The following ST6GALNAC3 variants were observed in gnomAD, a reference collection of about 807,000 sequenced individuals.
The protein encoded by ST6GALNAC3 is alpha-N-acetylgalactosaminide alpha-2,6-sialyltransferase 3.
Under a neutral mutation model 32.7 loss-of-function variants are expected in ST6GALNAC3, and 25 were observed. That is an observed-to-expected ratio of 0.76 (90% CI 0.56 to 1.07). The LOEUF is 1.07. Ranked by LOEUF, ST6GALNAC3 falls within the 50% of genes least tolerant of loss-of-function variation. The pLI is 0.00. For synonymous variants in ST6GALNAC3, 129 were observed against 133.1 expected (o/e 0.97, Z 0.21); for missense variants, 355 against 382.4 (o/e 0.93, Z 0.60).
intron 2 of ST6GALNAC3, chr1:76,353,710 A>G: frequency 6.5e-6 from 1 of 153,250 alleles, no homozygotes. Flanking sequence ...AAGAGTGGCA[A>G]CAGCAAATCA....
chr1:76,635,462 C>G (rs930833300), downstream of ST6GALNAC3, among the ~76,000 whole-genome samples: 1 of 152,118 alleles, frequency 6.6e-6, no homozygotes, highest in Non-Finnish European at 1.5e-5. Context: ...GTTACTATCA[C>G]CATCTCATAT....
intron 1 of ST6GALNAC3, among the ~76,000 whole-genome samples, chr1:76,149,316 A>G (rs1324817697): frequency 1.3e-5 from 2 of 152,174 alleles, no homozygotes; most frequent in African/African-American, 4.8e-5. Context: ...CCATGTCTAG[A>G]TATTAGAAGA....
intron 3 of ST6GALNAC3, among the ~76,000 whole-genome samples, chr1:76,438,152 CT>C (rs201668914): frequency 1.4e-3 from 200 of 144,688 alleles, no homozygotes; most frequent in Non-Finnish European, 2.0e-3. Flanking sequence ...CATATTCTGA[CT>C]TTTTTTTTTT....
chr1:76,234,195 T>C (rs1432362238), intron 1 of ST6GALNAC3, among the ~76,000 whole-genome samples: 1 of 152,142 alleles, frequency 6.6e-6, no homozygotes, highest in Admixed American at 6.5e-5. Context: ...TCTGCTTCCC[T>C]CCATGTGCTT....
At chr1:76,255,873 A>G (rs984810736) in intron 1 of ST6GALNAC3, among the ~76,000 whole-genome samples, 3 of 152,150 alleles carry the variant, frequency 2.0e-5, no homozygotes, top group African/African-American at 7.2e-5. Context: ...AAAGGCAGGA[A>G]AAGTAGGGGT....
rs188810961 is a variant in ST6GALNAC3, at chr1:76,571,473, G to C, written c.624-55979G>C. On this transcript the variant is annotated intron_variant, in intron 3 of 4. Transcript: ENST00000328299. ...AGCCATGATTTTATCACAGACTGTA[G>C]GAAACAGATTCTCTTGCTTCTAGAA... is the stretch of plus-strand genomic sequence containing the variant. Among the ~76,000 whole-genome samples the C allele has an allele frequency of 2.0e-3, 299 of 152,146 alleles. 1 individual carries two copies. Among genetic ancestry groups the C allele is most frequent in the Admixed American group, 4.1e-3 (63 of 15,270 alleles).
Position 76,423,188 on chromosome 1 carries a change from G to A in ST6GALNAC3, c.623+10771G>A, listed in dbSNP as rs539794245. Among the ~76,000 whole-genome samples, 5 of 152,094 alleles carry A rather than the reference G, an allele frequency of 3.3e-5. No homozygotes were observed. The East Asian group carries it at 9.7e-4, about 29-fold the overall frequency. On this transcript the variant is annotated intron_variant, in intron 3 of 4. Coordinates refer to ENST00000328299, the MANE Select transcript of ST6GALNAC3 (RefSeq NM_152996.4). Reference sequence around the variant, plus strand: ...CTGTTTGACAACTGCCATCATCACAGCATTACCTCCAATAATATGTAATTT... The same window carrying A: ...CTGTTTGACAACTGCCATCATCACAACATTACCTCCAATAATATGTAATTT...
At chr1:76,612,490 C>T (rs1272474597) in intron 3 of ST6GALNAC3, among the ~76,000 whole-genome samples, 3 of 152,132 alleles carry the variant, frequency 2.0e-5, no homozygotes, top group Non-Finnish European at 4.4e-5. Context: ...GTGCCCCCAT[C>T]AAGTTAATCC....
intron 3 of ST6GALNAC3, among the ~76,000 whole-genome samples, chr1:76,611,082 TAC>T (rs529178308): frequency 2.6e-5 from 4 of 151,656 alleles, no homozygotes; most frequent in Non-Finnish European, 4.4e-5. Context: ...TATATATATA[TAC>T]ACACACACAT....
At chr1:76,411,636 C>A (rs367990120) in intron 2 of ST6GALNAC3, among the ~76,000 whole-genome samples, 7 of 152,120 alleles carry the variant, frequency 4.6e-5, no homozygotes, top group African/African-American at 1.7e-4. Flanking sequence ...TCCTTTATAG[C>A]CACCAACCTT....
chr1:76,308,082 A>T (rs1661172204), intron 1 of ST6GALNAC3, among the ~76,000 whole-genome samples: 2 of 152,282 alleles, frequency 1.3e-5, no homozygotes, highest in South Asian at 4.1e-4. Flanking sequence ...AAAGCAATTC[A>T]TCAGATCTAT....
chr1:76,627,055 TATC>T (rs1649012617), intron 3 of ST6GALNAC3, among the ~76,000 whole-genome samples: 1 of 151,946 alleles, frequency 6.6e-6, no homozygotes, highest in African/African-American at 2.4e-5. Flanking sequence ...ATAGCACTAT[TATC>T]ATTCAGTTCC....
chr1:76,345,004 T>G (rs1648379133), intron 2 of ST6GALNAC3, among the ~76,000 whole-genome samples: 1 of 152,206 alleles, frequency 6.6e-6, no homozygotes, highest in Non-Finnish European at 1.5e-5. Flanking sequence ...CCTACCTGTC[T>G]TCGCAGACCC....
At chr1:76,589,944 C>T (rs898432862) in intron 3 of ST6GALNAC3, among the ~76,000 whole-genome samples, 3 of 111,858 alleles carry the variant, frequency 2.7e-5, no homozygotes, top group Non-Finnish European at 6.5e-5. Flanking sequence ...CAGTTCTGCT[C>T]TCGTAATCCA....
intron 1 of ST6GALNAC3, among the ~76,000 whole-genome samples, chr1:76,179,763 C>A (rs1653062694): frequency 6.6e-6 from 1 of 152,210 alleles, no homozygotes; most frequent in Admixed American, 6.5e-5. Context: ...TCACTCTGCT[C>A]TGGCCATAAT....
chr1:76,485,178 A>C (rs1660026497), intron 3 of ST6GALNAC3, among the ~76,000 whole-genome samples: 1 of 152,126 alleles, frequency 6.6e-6, no homozygotes, highest in Admixed American at 6.5e-5. Context: ...TTGGTCTAAA[A>C]TTCTCTTTTT....
At chr1:76,184,563 G>A (rs889611648) in intron 1 of ST6GALNAC3, among the ~76,000 whole-genome samples, 15 of 82,078 alleles carry the variant, frequency 1.8e-4, no homozygotes, top group African/African-American at 4.4e-4. Flanking sequence ...ACACACACAC[G>A]AAACATATGG....
chr1:76,166,300 C>G (rs1017522122), intron 1 of ST6GALNAC3, among the ~76,000 whole-genome samples: 1 of 151,962 alleles, frequency 6.6e-6, no homozygotes, highest in Non-Finnish European at 1.5e-5. Context: ...TGTTGAATAT[C>G]AGATAGTTGT....
intron 2 of ST6GALNAC3, among the ~76,000 whole-genome samples, chr1:76,390,591 C>CT (rs1652457030): frequency 2.0e-5 from 3 of 152,166 alleles, no homozygotes; most frequent in Non-Finnish European, 4.4e-5. Flanking sequence ...GCTCCAAAGA[C>CT]TAAGTGTTAC....
Sources: allele counts gnomAD v4.1 joint callset (sites outside exome capture counted in the v4.1 genomes callset), GRCh38; gene constraint gnomAD v4.1.1; transcripts MANE v1.5; gene names NCBI Gene and HGNC (gene_info 2026-07-23, HGNC 2026-07-21).